The following NCLN variants were observed in gnomAD, a reference collection of about 807,000 sequenced individuals.
NCLN encodes BOS complex subunit NCLN.
Under a neutral mutation model 69.5 loss-of-function variants are expected in NCLN, and 34 were observed. The ratio of observed to expected loss-of-function variants is 0.49; its 90% CI spans 0.37 to 0.65. NCLN has a LOEUF of 0.65. NCLN is among the 30% of genes least tolerant of loss of function. NCLN has a pLI of 0.00. For synonymous variants in NCLN, 393 were observed against 358.3 expected (o/e 1.10, Z -1.09); for missense variants, 710 against 804.8 (o/e 0.88, Z 1.42).
At position 3,205,340 on chromosome 19, in the gene NCLN, TC is replaced by T. The variant is rs1916236942; in HGVS notation, c.1208+591del. Among the ~76,000 whole-genome samples the T allele has an allele frequency of 6.6e-6, 1 of 152,152 alleles. No homozygotes were observed. The highest frequency in any genetic ancestry group is 2.4e-5 in the African/African-American group (1 of 41,430). On this transcript the variant is annotated intron_variant, in intron 9 of 14. Transcript: ENST00000246117. The surrounding 1 kb of genome is among the most constrained non-coding windows in gnomAD (Gnocchi z 4.6). ...CCAGCGCCCGCAGTCCCGGCATAGA[TC>T]CTTCCCGTTCATCCACTCTGCTCTG...
chr19:3,207,848 T>C lies in NCLN; in HGVS notation c.*160T>C. Reference sequence around the variant, plus strand: ...ACTGAATTACAGAGCTTTTTTCTGTTGCTCTCCGAGACTGGGGGGGGATTG... The same window carrying C: ...ACTGAATTACAGAGCTTTTTTCTGTCGCTCTCCGAGACTGGGGGGGGATTG... On this transcript the variant is annotated 3_prime_UTR_variant, in exon 15 of 15. Coordinates refer to ENST00000246117, the MANE Select transcript of NCLN (RefSeq NM_020170.4). The C allele has an allele frequency of 1.6e-6, 1 of 613,614 alleles. No homozygotes were observed. Among genetic ancestry groups the C allele is most frequent in the South Asian group, 2.1e-5 (1 of 47,806 alleles). 38.0% of individuals were successfully genotyped at this position (613,614 alleles called of 1,614,324 possible). A position where few individuals can be genotyped will look rare whatever the true frequency, so the allele number is the denominator to read the frequency against.
At chr19:3,193,764 A>G (rs1016108371) in intron 3 of NCLN, among the ~76,000 whole-genome samples, 2 of 151,776 alleles carry the variant, frequency 1.3e-5, no homozygotes, top group African/African-American at 4.8e-5. Context: ...TCAGTTCTCT[A>G]CCTGCCAAGG....
rs747458429 is a variant in NCLN at position 3,204,757 on chromosome 19, C to T, written c.1208+6C>T. The T allele has an allele frequency of 1.3e-5, 19 of 1,483,018 alleles. No individual in the cohort carries two copies. The highest frequency in any genetic ancestry group is 4.1e-5 in the South Asian group (3 of 73,960). 91.9% of individuals were successfully genotyped at this position (1,483,018 alleles called of 1,614,324 possible). On this transcript the variant is annotated splice_donor_region_variant and intron_variant, in intron 9 of 14. Transcript: ENST00000246117. ...AGCAGCATCATGGACGTGCGGTGAG[C>T]GCGGCAGCACCTGCCCGGCCCCTCC...
intron 4 of NCLN, among the ~76,000 whole-genome samples, chr19:3,197,888 T>C (rs1340139636): frequency 6.6e-6 from 1 of 152,218 alleles, no homozygotes; most frequent in African/African-American, 2.4e-5. Flanking sequence ...CCCAAAGTGC[T>C]GGGATTACAG....
At chr19:3,206,890 T>G (rs1271014173) in intron 12 of NCLN, among the ~76,000 whole-genome samples, 1 of 152,168 alleles carries the variant, frequency 6.6e-6, no homozygotes, top group Non-Finnish European at 1.5e-5. Context: ...GGCGTGATCT[T>G]GTCTCACTAC....
Position 3,205,377 on chromosome 19 carries a change from G to T in NCLN, c.1209-562G>T, listed in dbSNP as rs777849290. ...ATCCACTCTGCTCTGCGGTCACTGG[G>T]CCCTCAGGAGTGGTTTGAGCTCAGC... is the stretch of plus-strand genomic sequence containing the variant. On this transcript the variant is annotated intron_variant, in intron 9 of 14. Transcript: ENST00000246117. This position sits in a 1 kb window ranked among gnomAD's most constrained non-coding sequence, Gnocchi z 4.6. Among the ~76,000 whole-genome samples the T allele has an allele frequency of 2.0e-5, 3 of 152,228 alleles. No individual in the cohort carries two copies. Among genetic ancestry groups the T allele is most frequent in the African/African-American group, 4.8e-5 (2 of 41,456 alleles).
Position 3,186,200 on chromosome 19 carries a change from A to G in NCLN, c.170A>G (p.Gln57Arg). 6.4e-7 allele frequency: 1 copy of G among 1,563,730 alleles called. No individual in the cohort carries two copies. Among genetic ancestry groups the G allele is most frequent in the Admixed American group, 1.8e-5 (1 of 54,678 alleles). Residue 57 changes from glutamine to arginine, a missense_variant, in exon 1 of 15, where the codon CAG becomes CGG. Physicochemically the swap from Gln to Arg is conservative, Grantham distance 43. Transcript: ENST00000246117. ...TACCGCATGCAGCAGTACGACCTGC[A>G]GGGCCAGCCCTACGGTGCGTGTCCC... ...TVYRMQQYDLQGQPYGTRNAV... is the reference protein window; with the variant it reads ...TVYRMQQYDLRGQPYGTRNAV...
intron 1 of NCLN, among the ~76,000 whole-genome samples, chr19:3,188,150 T>C (rs916392849): frequency 6.6e-6 from 1 of 152,112 alleles, no homozygotes; most frequent in Non-Finnish European, 1.5e-5. Flanking sequence ...TTCACACTCT[T>C]GGCATCTCCT....
At position 3,193,324 on chromosome 19, in the gene NCLN, C is replaced by T. The variant is rs1282476745; in HGVS notation, c.416C>T (p.Thr139Ile). Reference protein sequence around the residue: ...EIEPEMLAMETAVPVYFAVED... With the variant: ...EIEPEMLAMEIAVPVYFAVED... ...GAGCCGGAGATGCTGGCCATGGAGA[C>T]CGCCGTCCCCGTGTACTTTGCCGTG... is the stretch of plus-strand genomic sequence containing the variant. The change falls in exon 3 of 15, where the codon ACC becomes ATC. Residue 139 changes from threonine (T) to isoleucine (I), a missense_variant. Coordinates refer to ENST00000246117, the MANE Select transcript of NCLN (RefSeq NM_020170.4). 2 of 1,612,910 alleles carry T rather than the reference C, an allele frequency of 1.2e-6. No homozygotes were observed. The highest frequency in any genetic ancestry group is 1.7e-5 in the Admixed American group (1 of 59,976).
chr19:3,207,470 G>A lies in NCLN; in HGVS notation c.1632+1G>A. 1.9e-6 allele frequency: 3 copies of A among 1,612,802 alleles called. No homozygotes were observed. The highest frequency in any genetic ancestry group is 2.5e-6 in the Non-Finnish European group (3 of 1,179,950). ...CGGCATGGCCTACGTGGCTGTCCAGGTGAGCAGTGCCCAGGCTCAGGTGGG... is the reference window on the plus strand; with the variant it reads ...CGGCATGGCCTACGTGGCTGTCCAGATGAGCAGTGCCCAGGCTCAGGTGGG... On this transcript the variant is annotated splice_donor_variant, in intron 14 of 14. Transcript: ENST00000246117. LOFTEE classifies it high-confidence loss of function.
At chr19:3,194,607 C>T (rs1024545050) in intron 3 of NCLN, among the ~76,000 whole-genome samples, 2 of 152,238 alleles carry the variant, frequency 1.3e-5, no homozygotes, top group Non-Finnish European at 2.9e-5. Context: ...TTATCTGATC[C>T]TTTGCAGAAA....
At chr19:3,186,900 C>G (rs148342909) in intron 1 of NCLN, among the ~76,000 whole-genome samples, 1 of 152,066 alleles carries the variant, frequency 6.6e-6, no homozygotes, top group Non-Finnish European at 1.5e-5. Context: ...CCGGCCCCCA[C>G]GTCAAGGGCA....
At chr19:3,192,938 A>C (rs1915866016) in intron 2 of NCLN, among the ~76,000 whole-genome samples, 1 of 152,164 alleles carries the variant, frequency 6.6e-6, no homozygotes. Context: ...GCCCCGCCCC[A>C]GACAGTGATC....
chr19:3,199,737 G>T, intron 5 of NCLN, among the ~76,000 whole-genome samples: 2 of 114,778 alleles, frequency 1.7e-5, no homozygotes, highest in Admixed American at 1.2e-4. Flanking sequence ...GTCTTGCTCT[G>T]TCCCCCAGGC....
rs312074 is a variant in NCLN at position 3,208,892 on chromosome 19, T to C, written c.*1204T>C. ...AACCCTCCACCCCGCAGACCAGGCG[T>C]CGTGTGTGTGTGGGAGAGAAGGAGG... On this transcript the variant is annotated 3_prime_UTR_variant, in exon 15 of 15. Transcript: ENST00000246117. 44,112 of 152,168 alleles carry C rather than the reference T, an allele frequency of 0.29. 7,264 individuals carry two copies. The highest frequency in any genetic ancestry group is 0.45 in the African/African-American group (18,709 of 41,436). The allele number at this position is 152,168 out of a possible 1,614,324, so 9.4% of individuals were successfully genotyped here. A position where few individuals can be genotyped will look rare whatever the true frequency, so the allele number is the denominator to read the frequency against.
rs574074009 is a variant in NCLN, at chr19:3,188,128, C to T, written c.184+1914C>T. Among the ~76,000 whole-genome samples, 9 of 152,194 alleles carry T rather than the reference C, an allele frequency of 5.9e-5. No homozygotes were observed. In the East Asian group the frequency reaches 1.7e-3, roughly 30 times the overall value. ...CCCCAAAGACCCCACTCCTAGAGCTCGAGATACCCTGTTCACACTCTTGGC... is the reference window on the plus strand; with the variant it reads ...CCCCAAAGACCCCACTCCTAGAGCTTGAGATACCCTGTTCACACTCTTGGC... On this transcript the variant is annotated intron_variant, in intron 1 of 14. Coordinates refer to ENST00000246117, the MANE Select transcript of NCLN (RefSeq NM_020170.4).
At chr19:3,199,261 C>T (rs903101536) in intron 5 of NCLN, among the ~76,000 whole-genome samples, 1 of 152,240 alleles carries the variant, frequency 6.6e-6, no homozygotes, top group Admixed American at 6.5e-5. Context: ...TAGCAGAGTC[C>T]GCGAAGGGAA....
At chr19:3,204,473 C>A in intron 8 of NCLN, 100 bp from the exon 9 acceptor site, 1 of 1,302,090 alleles carries the variant, frequency 7.7e-7, no homozygotes, top group Non-Finnish European at 1.0e-6. Flanking sequence ...CCTCATTTTG[C>A]ACCCTCGGGG....
At position 3,205,827 on chromosome 19, in the gene NCLN, TAAAG is replaced by T; in HGVS notation, c.1209-110_1209-107del. ...GCTAAGCTTAATTTTTTTTTTTTTTTAAAGACAGAGTCTCACGGTCTCCTAGGCT... is the reference window on the plus strand; with the variant it reads ...GCTAAGCTTAATTTTTTTTTTTTTTTACAGAGTCTCACGGTCTCCTAGGCT... On this transcript the variant is annotated intron_variant, in intron 9 of 14. Coordinates refer to ENST00000246117, the MANE Select transcript of NCLN (RefSeq NM_020170.4). This position sits in a 1 kb window ranked among gnomAD's most constrained non-coding sequence, Gnocchi z 4.6. 1 of 924,818 alleles carries T rather than the reference TAAAG, an allele frequency of 1.1e-6. No individual in the cohort carries two copies. Among genetic ancestry groups the T allele is most frequent in the Non-Finnish European group, 1.7e-6 (1 of 599,044 alleles). 57.3% of individuals were successfully genotyped at this position (924,818 alleles called of 1,614,324 possible). A position where few individuals can be genotyped will look rare whatever the true frequency, so the allele number is the denominator to read the frequency against.
Sources: gnomAD v4.1 joint callset for allele counts (sites outside exome capture counted in the v4.1 genomes callset) on GRCh38, gnomAD v4.1.1 for gene constraint, Gnocchi (gnomAD v3.1) non-coding constraint, MANE v1.5 for transcripts, NCBI Gene and HGNC (gene_info 2026-07-23, HGNC 2026-07-21) for gene names.